The following MIR2052HG variants were observed in gnomAD, a reference collection of about 807,000 sequenced individuals.
The protein encoded by MIR2052HG is MIR2052 host gene.
chr8:74,634,338 G>C (rs575412596), intron 2 of MIR2052HG, among the ~76,000 whole-genome samples: 1 of 152,230 alleles, frequency 6.6e-6, no homozygotes, highest in Admixed American at 6.5e-5. Flanking sequence ...CAAGGCAGAG[G>C]TTTACATAGA....
intron 2 of MIR2052HG, among the ~76,000 whole-genome samples, chr8:74,624,018 T>G (rs997914599): frequency 3.3e-5 from 5 of 152,238 alleles, no homozygotes; most frequent in African/African-American, 1.2e-4. Context: ...GCATTCTGGA[T>G]GTAGTACCTT....
At chr8:74,735,550 A>G (rs16938942) in intron 4 of MIR2052HG, among the ~76,000 whole-genome samples, 16,208 of 152,142 alleles carry the variant, frequency 0.11, 1,967 homozygotes, top group African/African-American at 0.3. Context: ...ATATTCTCTC[A>G]TACCCTGCTG....
intron 5 of MIR2052HG, among the ~76,000 whole-genome samples, chr8:74,756,420 G>C (rs1020918946): frequency 2.6e-5 from 4 of 152,182 alleles, no homozygotes; most frequent in African/African-American, 9.7e-5. Flanking sequence ...TGAACATTCT[G>C]AGAATTTTTG....
intron 4 of MIR2052HG, among the ~76,000 whole-genome samples, chr8:74,731,037 C>A (rs1234315064): frequency 6.6e-6 from 1 of 151,984 alleles, no homozygotes; most frequent in Non-Finnish European, 1.5e-5. Flanking sequence ...CCAAAGTGTC[C>A]CCAAAGAAGA....
At chr8:74,636,114 T>C (rs1808578716) in intron 2 of MIR2052HG, among the ~76,000 whole-genome samples, 1 of 152,156 alleles carries the variant, frequency 6.6e-6, no homozygotes, top group Non-Finnish European at 1.5e-5. Context: ...TGAGACACCA[T>C]TTTAGAACTT....
intron 2 of MIR2052HG, among the ~76,000 whole-genome samples, chr8:74,659,232 A>G (rs1219865316): frequency 6.6e-6 from 1 of 152,230 alleles, no homozygotes; most frequent in Non-Finnish European, 1.5e-5. Flanking sequence ...CTTGGACAAC[A>G]AATAATTTTT....
intron 2 of MIR2052HG, among the ~76,000 whole-genome samples, chr8:74,622,621 A>T (rs1341855142): frequency 6.6e-6 from 1 of 152,052 alleles, no homozygotes; most frequent in Admixed American, 6.6e-5. Context: ...TAGAAAAAAA[A>T]TTTTAAAAAG....
chr8:74,622,983 A>C (rs983245023), intron 2 of MIR2052HG, among the ~76,000 whole-genome samples: 2 of 152,184 alleles, frequency 1.3e-5, no homozygotes, highest in African/African-American at 2.4e-5. Flanking sequence ...TAGTGGTTAC[A>C]AGGAGACTGA....
At chr8:74,615,715 C>A (rs966026784) in intron 2 of MIR2052HG, among the ~76,000 whole-genome samples, 11 of 151,894 alleles carry the variant, frequency 7.2e-5, no homozygotes, top group African/African-American at 2.7e-4. Flanking sequence ...CACCCATTAA[C>A]TCGTCATTTA....
chr8:74,726,529 A>G (rs1273645810), intron 4 of MIR2052HG, among the ~76,000 whole-genome samples: 1 of 152,180 alleles, frequency 6.6e-6, no homozygotes, highest in Non-Finnish European at 1.5e-5. Flanking sequence ...TTTCCATCTA[A>G]TAGTTTTAAT....
chr8:74,644,225 G>A (rs551485904), intron 2 of MIR2052HG, among the ~76,000 whole-genome samples: 26 of 152,228 alleles, frequency 1.7e-4, no homozygotes, highest in African/African-American at 6.0e-4. Context: ...ACATAATGAC[G>A]TTTCAGTCAA....
intron 2 of MIR2052HG, among the ~76,000 whole-genome samples, chr8:74,617,454 T>TGG (rs201775730): frequency 2.2e-3 from 169 of 78,342 alleles, no homozygotes; most frequent in African/African-American, 0.01. Flanking sequence ...AGTATTCCAT[T>TGG]GGGTGTGTGT....
chr8:74,679,865 T>G (rs1251514585), intron 2 of MIR2052HG, among the ~76,000 whole-genome samples: 1 of 152,054 alleles, frequency 6.6e-6, no homozygotes, highest in Non-Finnish European at 1.5e-5. Flanking sequence ...TCTTAACAGC[T>G]AAATAGTAGA....
At chr8:74,617,533 G>A (rs942324903) in intron 2 of MIR2052HG, among the ~76,000 whole-genome samples, 1 of 151,558 alleles carries the variant, frequency 6.6e-6, no homozygotes, top group Non-Finnish European at 1.5e-5. Flanking sequence ...AAAATGTGGT[G>A]TATATACATA....
At chr8:74,685,844 T>C (rs555251148) in intron 2 of MIR2052HG, among the ~76,000 whole-genome samples, 1 of 152,158 alleles carries the variant, frequency 6.6e-6, no homozygotes, top group Admixed American at 6.6e-5. Flanking sequence ...ATTATCCAGC[T>C]CCCATACATA....
At chr8:74,687,052 T>C (rs1372185163) in intron 2 of MIR2052HG, among the ~76,000 whole-genome samples, 1 of 152,096 alleles carries the variant, frequency 6.6e-6, no homozygotes, top group Non-Finnish European at 1.5e-5. Flanking sequence ...TGAGCAGATA[T>C]TAATCCAAAG....
rs139689031 is a variant in MIR2052HG at position 74,613,163 on chromosome 8, C to T, written n.216+223C>T. Among the ~76,000 whole-genome samples the T allele has an allele frequency of 3.9e-3, 593 of 152,180 alleles. 7 individuals carry two copies. The highest frequency in any genetic ancestry group is 0.013 in the African/African-American group (557 of 41,520). The stretch of plus-strand genomic sequence containing the variant: ...GGTTGAGGCTGAAAGAATTGGAGAC[C>T]GGCAACTACAAATATAGCAAGTGTG... On this transcript the variant is annotated intron_variant and non_coding_transcript_variant, in intron 2 of 6. Coordinates refer to ENST00000523442, the Ensembl canonical transcript of MIR2052HG.
intron 4 of MIR2052HG, among the ~76,000 whole-genome samples, chr8:74,747,977 T>A (rs1032113546): frequency 2.0e-5 from 3 of 152,216 alleles, no homozygotes; most frequent in African/African-American, 7.2e-5. Context: ...TTCATTCTCA[T>A]GGTCTTTTTT....
intron 2 of MIR2052HG, among the ~76,000 whole-genome samples, chr8:74,670,957 C>G (rs1284197140): frequency 6.6e-6 from 1 of 151,692 alleles, no homozygotes; most frequent in Non-Finnish European, 1.5e-5. Context: ...TATTTTGTCA[C>G]TATTTCATTC....
Sources: allele counts gnomAD v4.1 joint callset (sites outside exome capture counted in the v4.1 genomes callset), GRCh38; gene constraint gnomAD v4.1.1; transcripts MANE v1.5; gene names NCBI Gene and HGNC (gene_info 2026-07-23, HGNC 2026-07-21).